The following SLIT2 variants were observed in gnomAD, a reference collection of about 807,000 sequenced individuals.
The protein encoded by SLIT2 is slit guidance ligand 2.
Under a neutral mutation model 185.7 loss-of-function variants are expected in SLIT2, and 41 were observed. The ratio of observed to expected loss-of-function variants is 0.22; its 90% CI spans 0.17 to 0.29. The LOEUF (loss-of-function observed/expected upper bound fraction) is 0.29. Among genes scored for constraint, SLIT2 ranks in the 10% least tolerant of loss-of-function variants. The pLI is 1.00. For missense variants in SLIT2, 1,571 were observed against 1,909.0 expected, an observed-to-expected ratio of 0.82 and a Z score of 3.30; for synonymous variants, 693 against 680.2, an observed-to-expected ratio of 1.02 and a Z score of -0.29.
intron 4 of SLIT2, among the ~76,000 whole-genome samples, chr4:20,300,594 G>T (rs1180501565): frequency 8.2e-6 from 1 of 121,934 alleles, no homozygotes; most frequent in Non-Finnish European, 1.7e-5. Context: ...ATGTAGACAC[G>T]TGCAGACATG....
chr4:20,485,775 C>T (rs567789288), intron 6 of SLIT2, among the ~76,000 whole-genome samples: 20 of 152,238 alleles, frequency 1.3e-4, no homozygotes, highest in African/African-American at 4.8e-4. Context: ...TATGAGAAAT[C>T]AGTAAAAGAA....
intron 4 of SLIT2, among the ~76,000 whole-genome samples, chr4:20,321,122 G>T (rs111595881): frequency 0.14 from 22,016 of 152,038 alleles, 1,720 homozygotes; most frequent in Middle Eastern, 0.22. Context: ...GCAAGACTCT[G>T]TCTCAAAAAA....
intron 4 of SLIT2, among the ~76,000 whole-genome samples, chr4:20,340,239 T>C (rs1400097720): frequency 6.6e-6 from 1 of 152,198 alleles, no homozygotes; most frequent in East Asian, 1.9e-4. Context: ...TTTGAGTTAC[T>C]ACCCTTTCTT....
At chr4:20,595,498 T>A (rs1204837358) in intron 30 of SLIT2, among the ~76,000 whole-genome samples, 199 bp from the exon 31 acceptor site, 3 of 152,058 alleles carry the variant, frequency 2.0e-5, no homozygotes, top group Admixed American at 6.6e-5. Context: ...AATCACTATT[T>A]CTCTGGTAGA....
At chr4:20,557,273 G>T (rs989740244) in intron 26 of SLIT2, among the ~76,000 whole-genome samples, 2 of 152,036 alleles carry the variant, frequency 1.3e-5, no homozygotes, top group African/African-American at 4.8e-5. Flanking sequence ...TGTCATCTAG[G>T]ATTTTCATAG....
chr4:20,454,357 A>G (rs1432236986), intron 4 of SLIT2, among the ~76,000 whole-genome samples: 1 of 152,186 alleles, frequency 6.6e-6, no homozygotes, highest in Non-Finnish European at 1.5e-5. Context: ...CCTGATATAT[A>G]TTATTTACCT....
intron 30 of SLIT2, among the ~76,000 whole-genome samples, chr4:20,591,778 T>G (rs1727539632): frequency 6.6e-6 from 1 of 152,068 alleles, no homozygotes; most frequent in Non-Finnish European, 1.5e-5. Flanking sequence ...ACTGCTCATC[T>G]GCTGAACAGA....
intron 5 of SLIT2, among the ~76,000 whole-genome samples, chr4:20,475,849 G>A (rs538950847): frequency 2.6e-5 from 4 of 152,016 alleles, no homozygotes; most frequent in Admixed American, 2.6e-4. Flanking sequence ...GCTATCTGTT[G>A]CTTCTTCCCC....
intron 4 of SLIT2, among the ~76,000 whole-genome samples, chr4:20,455,233 A>G (rs967418462): frequency 7.2e-5 from 11 of 152,172 alleles, no homozygotes; most frequent in South Asian, 2.1e-4. Context: ...AAAAGAATGT[A>G]TCATGCATTG....
intron 3 of SLIT2, among the ~76,000 whole-genome samples, chr4:20,267,050 C>A (rs146248498): frequency 6.6e-6 from 1 of 151,970 alleles, no homozygotes; most frequent in African/African-American, 2.4e-5. Context: ...GCTCTTTGGA[C>A]AATGGAGGTC....
rs778297995 is a variant in SLIT2 at position 20,567,551 on chromosome 4, A to G, written c.2884A>G (p.Ile962Val). The G allele has an allele frequency of 2.5e-6, 4 of 1,613,342 alleles. No individual in the cohort carries two copies. The African/African-American group carries it at 5.3e-5, about 22-fold the overall frequency. The change falls in exon 28 of 37, where the codon ATC (isoleucine) becomes GTC (valine). Residue 962 changes from isoleucine (I) to valine (V), a missense_variant. Coordinates refer to ENST00000504154, the MANE Select transcript of SLIT2 (RefSeq NM_004787.4). Reference sequence around the variant, plus strand: ...CTGTGATGTCCCAATTCATGCCTGCATCAGTAACCCATGTAAACATGGAGG... The same window carrying G: ...CTGTGATGTCCCAATTCATGCCTGCGTCAGTAACCCATGTAAACATGGAGG... ...QDCDVPIHAC[I>V]SNPCKHGGTC...
chr4:20,618,934 A>G lies in SLIT2; in HGVS notation c.4515A>G (p.Glu1505=). The G allele has an allele frequency of 6.2e-7, 1 of 1,613,984 alleles. No individual in the cohort carries two copies. Among genetic ancestry groups the G allele is most frequent in the East Asian group, 2.2e-5 (1 of 44,858 alleles). Residue 1505 remains glutamate, a synonymous_variant, in exon 37 of 37, where the codon GAA becomes GAG. Transcript: ENST00000504154. ...LRSKRRKYSF[E]CTDGSSFVDE... ...GCAAGCGGCGGAAATACTCTTTCGAATGCACTGACGGCTCCTCCTTTGTGG... is the reference window on the plus strand; with the variant it reads ...GCAAGCGGCGGAAATACTCTTTCGAGTGCACTGACGGCTCCTCCTTTGTGG...
At chr4:20,475,284 T>A (rs2148767781) in intron 5 of SLIT2, among the ~76,000 whole-genome samples, 1 of 151,576 alleles carries the variant, frequency 6.6e-6, no homozygotes, top group South Asian at 2.1e-4. Flanking sequence ...TCTAATTAGA[T>A]TCTATCCATT....
At chr4:20,298,442 G>A (rs1316371317) in intron 4 of SLIT2, among the ~76,000 whole-genome samples, 2 of 152,076 alleles carry the variant, frequency 1.3e-5, no homozygotes, top group Admixed American at 1.3e-4. Context: ...ATTTCCAGAA[G>A]GCACTAATTT....
In SLIT2 at chr4:20,529,045, C is replaced by G; in HGVS notation, c.1559C>G (p.Ser520Cys). ...CRCEGTTVDC[S>C]NQKLNKIPEH... is the part of the protein sequence containing the mutation. ...TGTGAAGGAACCACAGTAGATTGCT[C>G]TAATCAAAAGCTCAACAAAATCCCG... Residue 520 changes from serine to cysteine, a missense_variant, in exon 16 of 37, where the codon TCT becomes TGT. This residue lies in a region of SLIT2 where 1,202 missense variants were observed against 1,416.4 expected (regional missense o/e 0.85). Coordinates refer to ENST00000504154, the MANE Select transcript of SLIT2 (RefSeq NM_004787.4). 1 of 1,613,934 alleles carries G rather than the reference C, an allele frequency of 6.2e-7. No homozygotes were observed. The highest frequency in any genetic ancestry group is 8.5e-7 in the Non-Finnish European group (1 of 1,179,892).
At chr4:20,573,307 C>G in intron 29 of SLIT2, 1 of 702,848 alleles carries the variant, frequency 1.4e-6, no homozygotes, top group Non-Finnish European at 2.6e-6. Flanking sequence ...TAGTCTCCCT[C>G]TTTCTTGTAA....
At chr4:20,420,509 G>A (rs1728094095) in intron 4 of SLIT2, among the ~76,000 whole-genome samples, 1 of 151,972 alleles carries the variant, frequency 6.6e-6, no homozygotes, top group Non-Finnish European at 1.5e-5. Flanking sequence ...ACCAATATTA[G>A]GTATCAAGTG....
intron 4 of SLIT2, among the ~76,000 whole-genome samples, chr4:20,341,288 G>T (rs1720941856): frequency 6.6e-6 from 1 of 152,206 alleles, no homozygotes; most frequent in Non-Finnish European, 1.5e-5. Context: ...TGTTGTGTAA[G>T]AAAGAATTGG....
chr4:20,519,505 A>AT (rs1720625134), intron 12 of SLIT2, 52 bp downstream of exon 12: 1 of 1,070,980 alleles, frequency 9.3e-7, no homozygotes, highest in Middle Eastern at 2.1e-4. Context: ...TATATTAGCC[A>AT]TTTTGTTGTC....
Sources: gnomAD v4.1 joint callset for allele counts (sites outside exome capture counted in the v4.1 genomes callset) on GRCh38, gnomAD v4.1.1 for gene constraint, gnomAD v4.1.1 regional missense constraint, MANE v1.5 for transcripts, NCBI Gene and HGNC (gene_info 2026-07-23, HGNC 2026-07-21) for gene names.